KRTAP10-7: variants seen among roughly 807,000 people sequenced by gnomAD.
KRTAP10-7 encodes keratin associated protein 10-7.
For missense variants in KRTAP10-7, 394 were observed against 474.3 expected (o/e 0.83, Z 1.57); for synonymous variants, 162 against 199.6 (o/e 0.81, Z 1.59).
Position 44,601,989 on chromosome 21 carries a change from T to C in KRTAP10-7, c.*255T>C. 1.7e-6 allele frequency: 1 copy of C among 600,464 alleles called. No homozygotes were observed. The highest frequency in any genetic ancestry group is 3.0e-6 in the Non-Finnish European group (1 of 333,110). 37.2% of individuals were successfully genotyped at this position (600,464 alleles called of 1,614,324 possible). ...TGACCCCAGCAAGGCCAGCGGGTGC[T>C]CCCAGGCCATAGCCCGGTGTGGGGA... On this transcript the variant is annotated 3_prime_UTR_variant, in exon 1 of 1. Transcript: ENST00000609664.
rs116074123 is a variant in KRTAP10-7, at chr21:44,601,631, C to G, written c.1010C>G (p.Ala337Gly). 9,439 of 1,613,604 alleles carry G rather than the reference C, an allele frequency of 5.8e-3. 465 individuals are homozygous for G. In the African/African-American group the frequency reaches 0.11, roughly 19 times the overall value. The change falls in exon 1 of 1, where the codon GCC (alanine) becomes GGC (glycine). Residue 337 changes from alanine to glycine, a missense_variant. Transcript: ENST00000609664. ...TGCGCCCCCACCTCCTCCTGCCAGG[C>G]CAGCTGCTGCCGCCCAGCCTCCTGT... ...SCCAPTSSCQ[A>G]SCCRPASCVS...
chr21:44,602,109 T>G lies in KRTAP10-7; in HGVS notation c.*375T>G. On this transcript the variant is annotated 3_prime_UTR_variant, in exon 1 of 1. Transcript: ENST00000609664. Reference sequence around the variant, plus strand: ...TCCCCTGCTGTGGGCCTGGGCCTCTTTCTCTGTCTTCCCTGACCACGGGAG... The same window carrying G: ...TCCCCTGCTGTGGGCCTGGGCCTCTGTCTCTGTCTTCCCTGACCACGGGAG... The G allele has an allele frequency of 5.6e-6, 2 of 359,322 alleles. No homozygotes were observed. Among genetic ancestry groups the G allele is most frequent in the South Asian group, 4.6e-5 (1 of 21,632 alleles). 22.3% of individuals were successfully genotyped at this position (359,322 alleles called of 1,614,324 possible). A position where few individuals can be genotyped will look rare whatever the true frequency, so the allele number is the denominator to read the frequency against.
Position 44,601,511 on chromosome 21 carries a change from G to C in KRTAP10-7, c.890G>C (p.Cys297Ser). 1.2e-6 allele frequency: 2 copies of C among 1,613,088 alleles called. No homozygotes were observed. The highest frequency in any genetic ancestry group is 2.7e-5 in the African/African-American group (2 of 74,822). Reference sequence around the variant, plus strand: ...CAGCAGTCTAGCTGCCAGCCGGCTTGCTGCACCACCTCCTGCTGCAGACCC... The same window carrying C: ...CAGCAGTCTAGCTGCCAGCCGGCTTCCTGCACCACCTCCTGCTGCAGACCC... ...CCQQSSCQPA[C>S]CTTSCCRPSS... Residue 297 changes from cysteine (C) to serine (S), a missense_variant, in exon 1 of 1, where the codon TGC becomes TCC. Transcript: ENST00000609664.
chr21:44,601,697 G>C lies in KRTAP10-7; in HGVS notation c.1076G>C (p.Cys359Ser), dbSNP rs782094763. The change falls in exon 1 of 1, where the codon TGC becomes TCC. Residue 359 changes from cysteine (C) to serine (S), a missense_variant. Cys to Ser is a moderately radical substitution (Grantham distance 112). Transcript: ENST00000609664. Reference protein sequence around the residue: ...LCRPACSRPACCGPTSTQKSS... With the variant: ...LCRPACSRPASCGPTSTQKSS... ...CGCCCCGCATGCTCCCGCCCGGCCT[G>C]CTGTGGCCCCACCTCAACCCAGAAG... is the stretch of plus-strand genomic sequence containing the variant. 26 of 1,612,086 alleles carry C rather than the reference G, an allele frequency of 1.6e-5. No homozygotes were observed.
Position 44,601,785 on chromosome 21 carries a change from C to G in KRTAP10-7, c.*51C>G. 6.4e-7 allele frequency: 1 copy of G among 1,570,226 alleles called. No individual in the cohort carries two copies. Among genetic ancestry groups the G allele is most frequent in the Non-Finnish European group, 8.7e-7 (1 of 1,156,042 alleles). On this transcript the variant is annotated 3_prime_UTR_variant, in exon 1 of 1. Transcript: ENST00000609664. ...CCTGAGTGCTCACTGCCACCTGCAC[C>G]CCTGGATTCTTTACCCTTGACGGCT...
Sources: gnomAD v4.1 joint callset for allele counts on GRCh38, gnomAD v4.1.1 for gene constraint, MANE v1.5 for transcripts, NCBI Gene and HGNC (gene_info 2026-07-23, HGNC 2026-07-21) for gene names.